Variants in DCPS observed in about 807,000 individuals in gnomAD.
DCPS encodes m7GpppX diphosphatase.
In DCPS, 27 loss-of-function variants were observed where a neutral mutation model predicts 34.7. The observed-to-expected ratio is 0.78, with a 90% CI of 0.57 to 1.07. The LOEUF (loss-of-function observed/expected upper bound fraction) is 1.07, where lower values mean the gene tolerates loss of function less well. DCPS is among the 50% of genes least tolerant of loss of function. The pLI is 0.00. For synonymous variants in DCPS, 185 were observed against 185.7 expected (o/e 1.00, Z 0.03); for missense variants, 464 against 436.9 (o/e 1.06, Z -0.55).
rs1476964582 is a variant in DCPS, at chr11:126,342,068, C to T, written c.637-1239C>T. ...ATTATCTTCACAAGGAATCTGGTAG[C>T]TCAGACTGCAGGGCAGGGCACTGCT... On this transcript the variant is annotated intron_variant, in intron 4 of 5. Coordinates refer to ENST00000263579, the MANE Select transcript of DCPS (RefSeq NM_014026.6). This position sits in a 1 kb window ranked among gnomAD's most constrained non-coding sequence, Gnocchi z 4.4. The T allele has an allele frequency of 6.6e-6, 1 of 152,228 alleles. No homozygotes were observed. The highest frequency in any genetic ancestry group is 1.9e-4 in the East Asian group (1 of 5,192). 9.4% of individuals were successfully genotyped at this position (152,228 alleles called of 1,614,324 possible). A position where few individuals can be genotyped will look rare whatever the true frequency, so the allele number is the denominator to read the frequency against.
In DCPS at chr11:126,319,947, T is replaced by G. The variant is rs1455910084; in HGVS notation, c.377-11458T>G. On this transcript the variant is annotated intron_variant, in intron 2 of 5. Transcript: ENST00000263579. The surrounding 1 kb of genome is among the most constrained non-coding windows in gnomAD (Gnocchi z 4.5). ...GTTACACAAGTGATATGTAAATATA[T>G]ATAACTCCATCATCCAGGATTGATC... 1.3e-5 allele frequency among the ~76,000 whole-genome samples: 2 copies of G among 152,126 alleles called. No homozygotes were observed. Among genetic ancestry groups the G allele is most frequent in the Non-Finnish European group, 2.9e-5 (2 of 68,034 alleles).
rs746746274 is a variant in DCPS at position 126,323,255 on chromosome 11, A to C, written c.377-8150A>C. Among the ~76,000 whole-genome samples the C allele has an allele frequency of 3.3e-5, 5 of 152,224 alleles. No homozygotes were observed. Among genetic ancestry groups the C allele is most frequent in the Non-Finnish European group, 7.3e-5 (5 of 68,036 alleles). Reference sequence around the variant, plus strand: ...TTGTGATTCACAGTTTACAAATTTGATAATTCTGTACTGTTACCAATAGTT... The same window carrying C: ...TTGTGATTCACAGTTTACAAATTTGCTAATTCTGTACTGTTACCAATAGTT... On this transcript the variant is annotated intron_variant, in intron 2 of 5. Transcript: ENST00000263579. The surrounding 1 kb of genome is among the most constrained non-coding windows in gnomAD (Gnocchi z 4.4).
In DCPS at chr11:126,327,573, C is replaced by T. The variant is rs1951750569; in HGVS notation, c.377-3832C>T. Among the ~76,000 whole-genome samples, 1 of 152,206 alleles carries T rather than the reference C, an allele frequency of 6.6e-6. No homozygotes were observed. The highest frequency in any genetic ancestry group is 2.4e-5 in the African/African-American group (1 of 41,444). On this transcript the variant is annotated intron_variant, in intron 2 of 5. Transcript: ENST00000263579. This position sits in a 1 kb window ranked among gnomAD's most constrained non-coding sequence, Gnocchi z 4.1. ...TTTGATTGTTTATTGAGCATTGACT[C>T]CTGACCAAACTCCTCCTGAAGTTCA...
chr11:126,333,143 A>G lies in DCPS; in HGVS notation c.522+1593A>G, dbSNP rs901715053. On this transcript the variant is annotated intron_variant, in intron 3 of 5. Transcript: ENST00000263579. The surrounding 1 kb of genome is among the most constrained non-coding windows in gnomAD (Gnocchi z 5.7). ...CAGGTGTGAGCCACTGTGCCTGGCC[A>G]TGTATATTCCTTATTATATACCATT... 2.0e-5 allele frequency among the ~76,000 whole-genome samples: 3 copies of G among 152,188 alleles called. No homozygotes were observed. Among genetic ancestry groups the G allele is most frequent in the Non-Finnish European group, 4.4e-5 (3 of 68,028 alleles).
At chr11:126,317,103 C>T (rs965832910) in intron 2 of DCPS, among the ~76,000 whole-genome samples, 6 of 151,940 alleles carry the variant, frequency 3.9e-5, no homozygotes, top group Admixed American at 1.3e-4. Flanking sequence ...GGACTACAGG[C>T]GCGTGCCACC....
At chr11:126,307,497 G>A (rs969538806) in intron 2 of DCPS, among the ~76,000 whole-genome samples, 7 of 151,852 alleles carry the variant, frequency 4.6e-5, no homozygotes, top group Admixed American at 1.3e-4. Flanking sequence ...TGCAACCTCC[G>A]CCTCACAGGT....
In DCPS at chr11:126,324,629, C is replaced by CTTT. The variant is rs58091804; in HGVS notation, c.377-6752_377-6750dup. 7.7e-3 allele frequency among the ~76,000 whole-genome samples: 773 copies of CTTT among 99,910 alleles called. 64 individuals carry two copies. Among genetic ancestry groups the CTTT allele is most frequent in the African/African-American group, 0.029 (690 of 23,808 alleles). 65.5% of individuals were successfully genotyped at this position (99,910 alleles called of 152,430 possible). ...CACCATGCCTAGCTAATTTTTCTGC[C>CTTT]TTTTTTTTTTTTTTTTTTTTTTTTT... On this transcript the variant is annotated intron_variant, in intron 2 of 5. Transcript: ENST00000263579.
At chr11:126,321,716 G>A (rs779711629) in intron 2 of DCPS, among the ~76,000 whole-genome samples, 4 of 152,134 alleles carry the variant, frequency 2.6e-5, no homozygotes, top group Non-Finnish European at 5.9e-5. Flanking sequence ...ACCTAGAGGA[G>A]ACAGAAACTG....
chr11:126,309,015 T>C (rs1197556869), intron 2 of DCPS, among the ~76,000 whole-genome samples: 1 of 147,170 alleles, frequency 6.8e-6, no homozygotes, highest in Admixed American at 7.0e-5. Context: ...ATCTTTTCTT[T>C]TCCTGCCCCT....
chr11:126,306,507 T>G (rs1043775392), intron 1 of DCPS, 63 bp from the exon 2 acceptor site: 6 of 1,464,028 alleles, frequency 4.1e-6, no homozygotes, highest in Non-Finnish European at 4.6e-6. Flanking sequence ...AGCTTCTGTC[T>G]TGCTCTCCAG....
At chr11:126,343,286 C>T in intron 4 of DCPS, 21 bp from the exon 5 acceptor site, 1 of 1,602,790 alleles carries the variant, frequency 6.2e-7, no homozygotes, top group Non-Finnish European at 8.5e-7. Flanking sequence ...TGAGCCTGGT[C>T]TCCCCTTGCT....
chr11:126,332,801 A>G lies in DCPS; in HGVS notation c.522+1251A>G, dbSNP rs1380106883. Reference sequence around the variant, plus strand: ...TGTTGTTGTTTGTTTGTTTGTTTTTAAAGTCCCAGCACTTGTTCTGTTTTC... The same window carrying G: ...TGTTGTTGTTTGTTTGTTTGTTTTTGAAGTCCCAGCACTTGTTCTGTTTTC... On this transcript the variant is annotated intron_variant, in intron 3 of 5. Coordinates refer to ENST00000263579, the MANE Select transcript of DCPS (RefSeq NM_014026.6). The surrounding 1 kb of genome is among the most constrained non-coding windows in gnomAD (Gnocchi z 5.4). 1.3e-5 allele frequency among the ~76,000 whole-genome samples: 2 copies of G among 152,242 alleles called. No homozygotes were observed. Among genetic ancestry groups the G allele is most frequent in the East Asian group, 3.9e-4 (2 of 5,174 alleles).
At position 126,345,826 on chromosome 11, in the gene DCPS, T is replaced by A; in HGVS notation, c.*213T>A. ...GGTGGGTAGAACCTGTGGGAAGGCCTTGAGAATGGTGGAAAGTCTCCAGGT... is the reference window on the plus strand; with the variant it reads ...GGTGGGTAGAACCTGTGGGAAGGCCATGAGAATGGTGGAAAGTCTCCAGGT... On this transcript the variant is annotated 3_prime_UTR_variant, in exon 6 of 6. Coordinates refer to ENST00000263579, the MANE Select transcript of DCPS (RefSeq NM_014026.6). The surrounding 1 kb of genome is among the most constrained non-coding windows in gnomAD (Gnocchi z 7.4). 2.9e-6 allele frequency: 2 copies of A among 698,074 alleles called. No homozygotes were observed. Among genetic ancestry groups the A allele is most frequent in the Non-Finnish European group, 4.6e-6 (2 of 432,178 alleles). 43.2% of individuals were successfully genotyped at this position (698,074 alleles called of 1,614,324 possible).
At position 126,348,046 on chromosome 11, in the gene DCPS, C is replaced by A. The variant is rs1164403815; in HGVS notation, c.*2433C>A. On this transcript the variant is annotated 3_prime_UTR_variant, in exon 6 of 6. Transcript: ENST00000263579. The surrounding 1 kb of genome is among the most constrained non-coding windows in gnomAD (Gnocchi z 5.3). ...CGTTCCTTCCCCTCATCTCGTAGCGCCTGGCCCCTGGAGGAAGGTGGGTAG... is the reference window on the plus strand; with the variant it reads ...CGTTCCTTCCCCTCATCTCGTAGCGACTGGCCCCTGGAGGAAGGTGGGTAG... 6.6e-6 allele frequency among the ~76,000 whole-genome samples: 1 copy of A among 152,076 alleles called. No homozygotes were observed. The highest frequency in any genetic ancestry group is 1.9e-4 in the East Asian group (1 of 5,182).
intron 4 of DCPS, chr11:126,340,956 G>A (rs1951870909): frequency 6.6e-6 from 1 of 152,158 alleles, no homozygotes; most frequent in Admixed American, 6.5e-5. Flanking sequence ...ACACAGTACA[G>A]AGGATATTCA....
intron 1 of DCPS, 79 bp from the exon 2 acceptor site, chr11:126,306,491 C>T: frequency 7.1e-7 from 1 of 1,410,710 alleles, no homozygotes; most frequent in Non-Finnish European, 9.4e-7. Context: ...ATTCAAAGGC[C>T]CTGGGAGCTT....
rs1436700118 is a variant in DCPS at position 126,313,355 on chromosome 11, T to C, written c.376+6611T>C. Among the ~76,000 whole-genome samples, 6 of 152,184 alleles carry C rather than the reference T, an allele frequency of 3.9e-5. No individual in the cohort carries two copies. The highest frequency in any genetic ancestry group is 6.5e-5 in the Admixed American group (1 of 15,276). ...CCTGAGGGAGGGGTGAGGACTTGTT[T>C]GGAAGGAGCATTTTAAAAGACAAGT... is the stretch of plus-strand genomic sequence containing the variant. On this transcript the variant is annotated intron_variant, in intron 2 of 5. Transcript: ENST00000263579. This position sits in a 1 kb window ranked among gnomAD's most constrained non-coding sequence, Gnocchi z 4.9.
intron 2 of DCPS, among the ~76,000 whole-genome samples, chr11:126,314,728 A>T (rs1243973878): frequency 1.3e-5 from 2 of 152,178 alleles, no homozygotes; most frequent in African/African-American, 2.4e-5. Context: ...TTCTAAGTGA[A>T]ATAACTCAGT....
At position 126,328,414 on chromosome 11, in the gene DCPS, C is replaced by T. The variant is rs1487339310; in HGVS notation, c.377-2991C>T. On this transcript the variant is annotated intron_variant, in intron 2 of 5. Transcript: ENST00000263579. The surrounding 1 kb of genome is among the most constrained non-coding windows in gnomAD (Gnocchi z 6.6). Reference sequence around the variant, plus strand: ...TCTGAGAGTCCTGCAGTCAGGTTCCCATCCCTGCAGGTGCACCTCAGGAAA... The same window carrying T: ...TCTGAGAGTCCTGCAGTCAGGTTCCTATCCCTGCAGGTGCACCTCAGGAAA... 6.6e-6 allele frequency among the ~76,000 whole-genome samples: 1 copy of T among 152,144 alleles called. No homozygotes were observed. The highest frequency in any genetic ancestry group is 6.5e-5 in the Admixed American group (1 of 15,280).
Sources: allele counts gnomAD v4.1 joint callset (sites outside exome capture counted in the v4.1 genomes callset), GRCh38; gene constraint gnomAD v4.1.1; non-coding constraint Gnocchi (gnomAD v3.1); transcripts MANE v1.5; gene names NCBI Gene and HGNC (gene_info 2026-07-23, HGNC 2026-07-21).